RALGAPA2: variants seen among roughly 807,000 people sequenced by gnomAD.
The protein encoded by RALGAPA2 is ral GTPase-activating protein subunit alpha-2.
RALGAPA2 carries 139 observed loss-of-function variants against 230.4 expected under a neutral mutation model. The observed-to-expected ratio is 0.60, with a 90% confidence interval of 0.53 to 0.69. The LOEUF (loss-of-function observed/expected upper bound fraction) is 0.69, where lower values mean the gene tolerates loss of function less well. RALGAPA2 is among the 30% of genes least tolerant of loss of function. RALGAPA2 has a pLI of 0.00. For synonymous variants in RALGAPA2, 847 were observed against 837.8 expected, an observed-to-expected ratio of 1.01 and a Z score of -0.19; for missense variants, 2,163 against 2,276.0, an observed-to-expected ratio of 0.95 and a Z score of 1.01.
intron 37 of RALGAPA2, among the ~76,000 whole-genome samples, chr20:20,458,533 TATATA>T (rs2061190433): frequency 7.2e-6 from 1 of 138,020 alleles, no homozygotes; most frequent in Non-Finnish European, 1.5e-5. Context: ...ATATATATTA[TATATA>T]ATATATATGT....
At chr20:20,536,107 A>T (rs749408834) in intron 25 of RALGAPA2, among the ~76,000 whole-genome samples, 32 of 152,354 alleles carry the variant, frequency 2.1e-4, no homozygotes, top group Non-Finnish European at 4.1e-4. Context: ...CAATTGAATT[A>T]TATGTTGTAC....
At chr20:20,589,426 G>A (rs568691722) in intron 17 of RALGAPA2, 61 bp from the exon 18 acceptor site, 26 of 1,470,174 alleles carry the variant, frequency 1.8e-5, no homozygotes, top group Middle Eastern at 1.7e-4. Flanking sequence ...TAGTAAAACC[G>A]GAAAATGATT....
Position 20,524,901 on chromosome 20 carries a change from G to A in RALGAPA2, c.3694-3C>T. On this transcript the variant is annotated splice_polypyrimidine_tract_variant and splice_region_variant and intron_variant, in intron 28 of 39. Transcript: ENST00000202677. ...AAAGCAACTGTGGCCACGAGGATCT[G>A]CATAAAAGATAAATCCCCAATCAAA... 1.2e-6 allele frequency: 2 copies of A among 1,601,898 alleles called. No individual in the cohort carries two copies. The highest frequency in any genetic ancestry group is 1.7e-6 in the Non-Finnish European group (2 of 1,173,582).
intron 30 of RALGAPA2, among the ~76,000 whole-genome samples, chr20:20,523,890 G>C (rs1482066349): frequency 6.6e-6 from 1 of 152,238 alleles, no homozygotes; most frequent in Admixed American, 6.5e-5. Context: ...CATGTAAAAT[G>C]CATGCATCTT....
chr20:20,426,033 C>G (rs979014547), intron 37 of RALGAPA2, among the ~76,000 whole-genome samples: 1 of 152,216 alleles, frequency 6.6e-6, no homozygotes, highest in African/African-American at 2.4e-5. Context: ...GCTGCTCCAT[C>G]TGTAGGCATG....
intron 36 of RALGAPA2, among the ~76,000 whole-genome samples, chr20:20,475,923 A>G (rs953875087): frequency 6.6e-6 from 1 of 152,182 alleles, no homozygotes; most frequent in Non-Finnish European, 1.5e-5. Flanking sequence ...TACTCCTCAA[A>G]TCAGTTATAT....
At chr20:20,688,050 A>G (rs972862860) in intron 1 of RALGAPA2, among the ~76,000 whole-genome samples, 2 of 152,190 alleles carry the variant, frequency 1.3e-5, no homozygotes, top group African/African-American at 4.8e-5. Context: ...AACCTACAAA[A>G]TAAGACTTTC....
intron 38 of RALGAPA2, among the ~76,000 whole-genome samples, chr20:20,401,292 A>AT (rs1183652262): frequency 2.0e-5 from 3 of 152,110 alleles, no homozygotes; most frequent in African/African-American, 7.2e-5. Context: ...TGGCTCCAAG[A>AT]TTTTAGAAGA....
intron 34 of RALGAPA2, among the ~76,000 whole-genome samples, chr20:20,503,793 A>G (rs1431944776): frequency 6.6e-6 from 1 of 152,218 alleles, no homozygotes; most frequent in Admixed American, 6.5e-5. Context: ...ATGTATGTGT[A>G]TATATGCATA....
At chr20:20,449,354 A>G (rs564871275) in intron 37 of RALGAPA2, among the ~76,000 whole-genome samples, 1 of 152,366 alleles carries the variant, frequency 6.6e-6, no homozygotes, top group South Asian at 2.1e-4. Flanking sequence ...AAAGAGTTAA[A>G]CATGAAATGA....
intron 37 of RALGAPA2, among the ~76,000 whole-genome samples, chr20:20,413,652 T>C (rs1323774876): frequency 6.6e-6 from 1 of 152,246 alleles, no homozygotes; most frequent in Non-Finnish European, 1.5e-5. Flanking sequence ...GATGTGCCTG[T>C]CACCGTGGAA....
intron 35 of RALGAPA2, among the ~76,000 whole-genome samples, chr20:20,498,900 C>T (rs1335181266): frequency 6.6e-6 from 1 of 152,234 alleles, no homozygotes; most frequent in Non-Finnish European, 1.5e-5. Context: ...ACTCTGCAAA[C>T]CCCTACAGCA....
intron 35 of RALGAPA2, among the ~76,000 whole-genome samples, chr20:20,501,711 G>A (rs973587798): frequency 6.6e-6 from 1 of 152,166 alleles, no homozygotes; most frequent in Admixed American, 6.5e-5. Context: ...GGTTAAAGAG[G>A]TCTAGCTTTT....
chr20:20,684,900 T>C (rs1452081148), intron 1 of RALGAPA2, among the ~76,000 whole-genome samples: 2 of 152,248 alleles, frequency 1.3e-5, no homozygotes, highest in African/African-American at 4.8e-5. Context: ...AAATATCAGA[T>C]ATTTTATCTT....
chr20:20,413,018 A>C (rs1052494682), intron 37 of RALGAPA2, among the ~76,000 whole-genome samples: 1 of 152,252 alleles, frequency 6.6e-6, no homozygotes, highest in Non-Finnish European at 1.5e-5. Context: ...GGATGGAGGC[A>C]CTGCACATAC....
At chr20:20,684,067 G>A (rs748286736) in intron 1 of RALGAPA2, among the ~76,000 whole-genome samples, 28 of 152,144 alleles carry the variant, frequency 1.8e-4, no homozygotes, top group Non-Finnish European at 3.7e-4. Context: ...CCCTGGTTGC[G>A]AACCTCAGCA....
intron 37 of RALGAPA2, among the ~76,000 whole-genome samples, chr20:20,430,613 G>A (rs2060481132): frequency 6.6e-6 from 1 of 152,210 alleles, no homozygotes; most frequent in South Asian, 2.1e-4. Flanking sequence ...TTTGTAGACT[G>A]ATGTTTCAAC....
At chr20:20,528,841 C>T (rs758188714) in intron 27 of RALGAPA2, among the ~76,000 whole-genome samples, 11 of 152,208 alleles carry the variant, frequency 7.2e-5, no homozygotes, top group East Asian at 1.9e-4. Context: ...TTGCACTCTC[C>T]GCTACCCATG....
chr20:20,698,131 C>T (rs936658330), intron 1 of RALGAPA2, among the ~76,000 whole-genome samples: 1 of 151,702 alleles, frequency 6.6e-6, no homozygotes, highest in South Asian at 2.1e-4. Context: ...CTGTCAAGAG[C>T]TGGGGAGAGG....
Sources: gnomAD v4.1 joint callset for allele counts (sites outside exome capture counted in the v4.1 genomes callset) on GRCh38, gnomAD v4.1.1 for gene constraint, MANE v1.5 for transcripts, NCBI Gene and HGNC (gene_info 2026-07-23, HGNC 2026-07-21) for gene names.